The following ALPK1 variants were observed in gnomAD, a reference collection of about 807,000 sequenced individuals.
ALPK1 encodes alpha kinase 1, also known as alpha-protein kinase 1.
A neutral mutation model predicts 120.6 loss-of-function variants in ALPK1; 110 were observed. The ratio of observed to expected loss-of-function variants is 0.91; its 90% CI spans 0.78 to 1.07. The LOEUF (loss-of-function observed/expected upper bound fraction) is 1.07, where lower values mean the gene tolerates loss of function less well. ALPK1 is among the 50% of genes least tolerant of loss of function. The pLI, the probability that ALPK1 is intolerant of heterozygous loss-of-function variation, is 0.00. For synonymous variants in ALPK1, 582 were observed against 560.3 expected (o/e 1.04, Z -0.55); for missense variants, 1,498 against 1,483.9 (o/e 1.01, Z -0.16).
At chr4:112,425,878 T>C in intron 7 of ALPK1, 127 bp downstream of exon 7, 1 of 667,186 alleles carries the variant, frequency 1.5e-6, no homozygotes, top group Admixed American at 2.9e-5. Context: ...AGTTTCCTCA[T>C]CGAAAAGAGA....
chr4:112,370,683 T>C (rs918542328), intron 2 of ALPK1, among the ~76,000 whole-genome samples: 4 of 152,182 alleles, frequency 2.6e-5, no homozygotes. Context: ...TCTGGACAGA[T>C]GGTTGGATTC....
intron 2 of ALPK1, among the ~76,000 whole-genome samples, chr4:112,326,959 C>T (rs1223794298): frequency 2.6e-5 from 4 of 152,192 alleles, no homozygotes; most frequent in Non-Finnish European, 4.4e-5. Context: ...GGAGGCTTCT[C>T]TGCATTTCTG....
chr4:112,315,152 G>T (rs1259181875), intron 1 of ALPK1, among the ~76,000 whole-genome samples: 1 of 152,072 alleles, frequency 6.6e-6, no homozygotes, highest in Non-Finnish European at 1.5e-5. Context: ...AAAGTGCTGG[G>T]ATTACAGGTG....
At chr4:112,420,913 A>G (rs1432109599) in intron 5 of ALPK1, among the ~76,000 whole-genome samples, 1 of 152,124 alleles carries the variant, frequency 6.6e-6, no homozygotes, top group Non-Finnish European at 1.5e-5. Context: ...GCTCACTGCA[A>G]CCTACAACTC....
chr4:112,328,862 A>G (rs1260160636), intron 2 of ALPK1, among the ~76,000 whole-genome samples: 1 of 152,208 alleles, frequency 6.6e-6, no homozygotes, highest in African/African-American at 2.4e-5. Context: ...CCCACCCAAC[A>G]TGATAGATTG....
At chr4:112,298,144 C>A (rs1727625168) in intron 1 of ALPK1, among the ~76,000 whole-genome samples, 1 of 152,056 alleles carries the variant, frequency 6.6e-6, no homozygotes, top group Non-Finnish European at 1.5e-5. Context: ...AAATTAAAAC[C>A]TTTAAGATGG....
At chr4:112,400,293 G>A (rs919905980) in intron 4 of ALPK1, among the ~76,000 whole-genome samples, 1 of 152,150 alleles carries the variant, frequency 6.6e-6, no homozygotes, top group African/African-American at 2.4e-5. Flanking sequence ...TAAGATATTG[G>A]TATCACACTT....
intron 2 of ALPK1, among the ~76,000 whole-genome samples, chr4:112,373,885 T>TA (rs1236818866): frequency 6.6e-6 from 1 of 152,216 alleles, no homozygotes; most frequent in Non-Finnish European, 1.5e-5. Context: ...GCTTTATTGC[T>TA]AAAAAATGCT....
chr4:112,337,084 G>A (rs962954717), intron 2 of ALPK1, among the ~76,000 whole-genome samples: 25 of 151,976 alleles, frequency 1.6e-4, no homozygotes, highest in African/African-American at 6.0e-4. Context: ...TTCCCATTCT[G>A]AAAAGAGTCC....
Position 112,438,535 on chromosome 4 carries a change from T to G in ALPK1, c.3240T>G (p.Thr1080=), listed in dbSNP as rs1447406702. 1.2e-6 allele frequency: 2 copies of G among 1,613,886 alleles called. No homozygotes were observed. ...KEQKGLWHHF[T]DVERQMTAQH... is the part of the protein sequence containing the mutation. ...AGAAGGGGCTCTGGCACCACTTCACTGATGTGGAGCGACAGATGACCGCAC... is the reference window on the plus strand; with the variant it reads ...AGAAGGGGCTCTGGCACCACTTCACGGATGTGGAGCGACAGATGACCGCAC... Residue 1080 remains threonine (T), a synonymous_variant, in exon 13 of 16, where the codon ACT becomes ACG. Transcript: ENST00000650871.
rs1347004294 is a variant in ALPK1, at chr4:112,441,274, T to C, written c.*64T>C. 5.6e-6 allele frequency: 6 copies of C among 1,080,926 alleles called. No individual in the cohort carries two copies. The highest frequency in any genetic ancestry group is 5.1e-5 in the Admixed American group (3 of 59,296). 67.0% of individuals were successfully genotyped at this position (1,080,926 alleles called of 1,614,324 possible). A position where few individuals can be genotyped will look rare whatever the true frequency, so the allele number is the denominator to read the frequency against. On this transcript the variant is annotated 3_prime_UTR_variant, in exon 16 of 16. Transcript: ENST00000650871. ...CCGTGACACAGGTTCTGGCCAATGATTTGCAAGAGGAATTGATCAGTATCA... is the reference window on the plus strand; with the variant it reads ...CCGTGACACAGGTTCTGGCCAATGACTTGCAAGAGGAATTGATCAGTATCA...
In ALPK1 at chr4:112,432,181, ACAG is replaced by A; in HGVS notation, c.2636_2638del (p.Gln879del). ...GCTCTCATAGACTGTGCATTCTGAG[ACAG>A]CCGCCTGGTCAGAGGGCGGAGACCC... is the stretch of plus-strand genomic sequence containing the variant. On this transcript the variant is annotated inframe_deletion, in exon 11 of 16. Coordinates refer to ENST00000650871, the MANE Select transcript of ALPK1 (RefSeq NM_025144.4). 3 of 1,614,198 alleles carry A rather than the reference ACAG, an allele frequency of 1.9e-6. No homozygotes were observed. The highest frequency in any genetic ancestry group is 2.2e-5 in the South Asian group (2 of 91,076).
chr4:112,304,769 T>C (rs1362650608), intron 1 of ALPK1, among the ~76,000 whole-genome samples: 4 of 152,164 alleles, frequency 2.6e-5, no homozygotes, highest in Non-Finnish European at 5.9e-5. Context: ...ATCCCATTTG[T>C]CAATTTTGGC....
At position 112,301,024 on chromosome 4, in the gene ALPK1, A is replaced by G. The variant is rs567201751; in HGVS notation, c.-153+3555A>G. Reference sequence around the variant, plus strand: ...GCCAGCAAAAGCCTTGTCCATTCATAATTACCTTTTTTTCTACAAAAAAAA... The same window carrying G: ...GCCAGCAAAAGCCTTGTCCATTCATGATTACCTTTTTTTCTACAAAAAAAA... On this transcript the variant is annotated intron_variant, in intron 1 of 15. Transcript: ENST00000650871. Among the ~76,000 whole-genome samples, 414 of 152,210 alleles carry G rather than the reference A, an allele frequency of 2.7e-3. 2 individuals carry two copies. The highest frequency in any genetic ancestry group is 9.5e-3 in the African/African-American group (394 of 41,542).
At chr4:112,370,104 A>G (rs1353807725) in intron 2 of ALPK1, among the ~76,000 whole-genome samples, 1 of 152,236 alleles carries the variant, frequency 6.6e-6, no homozygotes, top group Non-Finnish European at 1.5e-5. Flanking sequence ...AAAAGACTCA[A>G]ACACAGATGC....
chr4:112,435,566 A>G (rs962017615), intron 12 of ALPK1, among the ~76,000 whole-genome samples: 2 of 152,236 alleles, frequency 1.3e-5, no homozygotes, highest in Admixed American at 1.3e-4. Context: ...CTGTACTGAT[A>G]AGAAAAATAA....
Position 112,306,217 on chromosome 4 carries a change from T to G in ALPK1, c.-153+8748T>G, listed in dbSNP as rs563138980. Among the ~76,000 whole-genome samples, 25 of 152,124 alleles carry G rather than the reference T, an allele frequency of 1.6e-4. No individual in the cohort carries two copies. The East Asian group carries it at 4.6e-3, about 28-fold the overall frequency. The stretch of plus-strand genomic sequence containing the variant: ...ATATTGGTCTAAAATTCTCTTTTTT[T>G]GTTGTGTCTCTGCCAGGCTTTGGTA... On this transcript the variant is annotated intron_variant, in intron 1 of 15. Transcript: ENST00000650871.
At chr4:112,416,346 C>T (rs1733745564) in intron 5 of ALPK1, among the ~76,000 whole-genome samples, 3 of 151,986 alleles carry the variant, frequency 2.0e-5, no homozygotes, top group African/African-American at 7.2e-5. Context: ...CGGAAATGTA[C>T]GCCTGCAATA....
Position 112,432,461 on chromosome 4 carries a change from G to A in ALPK1, c.2914G>A (p.Ala972Thr), listed in dbSNP as rs1333031045. 6.2e-6 allele frequency: 10 copies of A among 1,614,152 alleles called. No homozygotes were observed. The East Asian group carries it at 6.7e-5, about 11-fold the overall frequency. ...AAAGATGAGGAAAGAGATCCTTGAGGCTCGCACCTTGCAACCTGATGACTT... is the reference window on the plus strand; with the variant it reads ...AAAGATGAGGAAAGAGATCCTTGAGACTCGCACCTTGCAACCTGATGACTT... ...PGKMRKEILE[A>T]RTLQPDDFEK... The change falls in exon 11 of 16, where the codon GCT (alanine) becomes ACT (threonine). Residue 972 changes from alanine to threonine, a missense_variant. Coordinates refer to ENST00000650871, the MANE Select transcript of ALPK1 (RefSeq NM_025144.4).
Sources: gnomAD v4.1 joint callset for allele counts (sites outside exome capture counted in the v4.1 genomes callset) on GRCh38, gnomAD v4.1.1 for gene constraint, MANE v1.5 for transcripts, NCBI Gene and HGNC (gene_info 2026-07-23, HGNC 2026-07-21) for gene names.